PIK3C2G: variants seen among roughly 807,000 people sequenced by gnomAD.
PIK3C2G encodes the protein phosphatidylinositol 3-kinase C2 domain-containing subunit gamma.
PIK3C2G carries 168 observed loss-of-function variants against 181.1 expected under a neutral mutation model. That is an observed-to-expected ratio of 0.93 (90% CI 0.82 to 1.05). PIK3C2G has a LOEUF of 1.05. Ranked by LOEUF, PIK3C2G falls within the 50% of genes least tolerant of loss-of-function variation. The pLI, the probability that PIK3C2G is intolerant of heterozygous loss-of-function variation, is 0.00. For missense variants in PIK3C2G, 1,869 were observed against 1,732.8 expected, an observed-to-expected ratio of 1.08 and a Z score of -1.40; for synonymous variants, 573 against 592.2, an observed-to-expected ratio of 0.97 and a Z score of 0.47.
the PIK3C2G span, chr12:18,684,042 G>C: frequency 5.6e-6 from 8 of 1,425,542 alleles, no homozygotes; most frequent in Non-Finnish European, 7.8e-6. Context: ...CTTTATGATA[G>C]AGCTATTTGG....
At chr12:18,529,579 G>A (rs183209388) in intron 24 of PIK3C2G, among the ~76,000 whole-genome samples, 1 of 152,030 alleles carries the variant, frequency 6.6e-6, no homozygotes, top group Non-Finnish European at 1.5e-5. Context: ...GCTTATGTAG[G>A]TAACACTTGA....
chr12:18,599,801 C>T (rs1432821433), intron 30 of PIK3C2G, among the ~76,000 whole-genome samples: 2 of 151,702 alleles, frequency 1.3e-5, no homozygotes, highest in African/African-American at 4.8e-5. Flanking sequence ...AATCAGAGGT[C>T]ACAATCTTGA....
chr12:18,606,545 C>A (rs1397188283), intron 30 of PIK3C2G, among the ~76,000 whole-genome samples: 2 of 151,926 alleles, frequency 1.3e-5, no homozygotes, highest in African/African-American at 4.8e-5. Flanking sequence ...AAAAAACATC[C>A]TTTTCAATGT....
chr12:18,484,413 T>A (rs924292008), intron 18 of PIK3C2G, among the ~76,000 whole-genome samples: 1 of 152,212 alleles, frequency 6.6e-6, no homozygotes, highest in Non-Finnish European at 1.5e-5. Context: ...TTAAGTGTTC[T>A]AAAAATATAT....
chr12:18,546,214 A>G, intron 25 of PIK3C2G, 109 bp from the exon 26 acceptor site: 2 of 663,630 alleles, frequency 3.0e-6, no homozygotes, highest in South Asian at 1.9e-5. Flanking sequence ...AGACATTGCC[A>G]TGCAAACTTG....
At chr12:18,372,907 C>G (rs1310890419) in intron 13 of PIK3C2G, among the ~76,000 whole-genome samples, 2 of 152,096 alleles carry the variant, frequency 1.3e-5, no homozygotes, top group African/African-American at 4.8e-5. Context: ...GCATCTGGGA[C>G]TGATCCTAGG....
At chr12:18,357,180 G>C (rs1940820698) in intron 11 of PIK3C2G, among the ~76,000 whole-genome samples, 1 of 152,086 alleles carries the variant, frequency 6.6e-6, no homozygotes, top group Non-Finnish European at 1.5e-5. Context: ...TTAGATATGT[G>C]GGAAAATTTG....
chr12:18,316,828 A>G (rs1486348596), intron 6 of PIK3C2G, among the ~76,000 whole-genome samples: 1 of 152,084 alleles, frequency 6.6e-6, no homozygotes, highest in East Asian at 1.9e-4. Context: ...AGTATTTGCT[A>G]TGTAACTGCT....
At chr12:18,291,144 A>G (rs1949676373) in intron 4 of PIK3C2G, 132 bp downstream of exon 4, 1 of 571,036 alleles carries the variant, frequency 1.8e-6, no homozygotes. Flanking sequence ...AATAAGAAGA[A>G]AACATCAGGG....
At chr12:18,723,533 T>G in the PIK3C2G span, 1 of 1,611,736 alleles carries the variant, frequency 6.2e-7, no homozygotes, top group Non-Finnish European at 8.5e-7. Context: ...TGTTTCAGCC[T>G]GTCATTGTCC....
intron 9 of PIK3C2G, among the ~76,000 whole-genome samples, chr12:18,342,695 T>C (rs1291890104): frequency 6.6e-6 from 1 of 151,822 alleles, no homozygotes; most frequent in Non-Finnish European, 1.5e-5. Flanking sequence ...TCTAGGCTTC[T>C]AACAAGGATA....
chr12:18,338,766 T>C (rs1331046070), intron 9 of PIK3C2G, among the ~76,000 whole-genome samples: 1 of 151,102 alleles, frequency 6.6e-6, no homozygotes, highest in African/African-American at 2.4e-5. Context: ...TTGAGTCTAT[T>C]ATGCCAAATA....
chr12:18,388,696 G>C (rs1227619808), intron 14 of PIK3C2G, among the ~76,000 whole-genome samples: 2 of 152,228 alleles, frequency 1.3e-5, no homozygotes, highest in African/African-American at 4.8e-5. Context: ...GTGGGGCATG[G>C]ACGCTAGGGA....
intron 8 of PIK3C2G, among the ~76,000 whole-genome samples, chr12:18,336,676 G>A (rs371490070): frequency 7.9e-5 from 12 of 151,978 alleles, no homozygotes; most frequent in African/African-American, 2.9e-4. Context: ...TCTTCTCCAT[G>A]TTATTATTGA....
intron 11 of PIK3C2G, among the ~76,000 whole-genome samples, chr12:18,362,536 G>A (rs939789598): frequency 3.3e-5 from 5 of 152,098 alleles, no homozygotes; most frequent in South Asian, 4.1e-4. Context: ...AAAAGGAATC[G>A]GTCAGCATAT....
chr12:18,661,190 T>C, the PIK3C2G span, among the ~76,000 whole-genome samples: 1 of 152,086 alleles, frequency 6.6e-6, no homozygotes, highest in East Asian at 1.9e-4. Context: ...AACATATCCA[T>C]TGTAAGAGTT....
At chr12:18,724,046 A>G in the PIK3C2G span, among the ~76,000 whole-genome samples, 2 of 152,068 alleles carry the variant, frequency 1.3e-5, no homozygotes, top group African/African-American at 4.8e-5. Context: ...TTCCAATAAG[A>G]AAGAGTGGAT....
intron 18 of PIK3C2G, among the ~76,000 whole-genome samples, chr12:18,470,895 A>G (rs895843405): frequency 1.3e-5 from 2 of 152,130 alleles, no homozygotes; most frequent in African/African-American, 4.8e-5. Context: ...GTTTTATTAT[A>G]ATGTTTTATT....
chr12:18,662,043 G>A, the PIK3C2G span, among the ~76,000 whole-genome samples: 16,189 of 152,046 alleles, frequency 0.11, 1,110 homozygotes, highest in African/African-American at 0.19. Context: ...CCAATACTGC[G>A]TGTTCTCCCG....
Sources: allele counts gnomAD v4.1 joint callset (sites outside exome capture counted in the v4.1 genomes callset), GRCh38; gene constraint gnomAD v4.1.1; transcripts MANE v1.5; gene names NCBI Gene and HGNC (gene_info 2026-07-23, HGNC 2026-07-21).